RBFOX1: variants seen among roughly 807,000 people sequenced by gnomAD.
The protein encoded by RBFOX1 is RNA binding protein fox-1 homolog 1.
In RBFOX1, 8 loss-of-function variants were observed where a neutral mutation model predicts 57.7. The ratio of observed to expected loss-of-function variants is 0.14; its 90% CI spans 0.08 to 0.25. RBFOX1 has a LOEUF of 0.25. RBFOX1 is among the 10% of genes least tolerant of loss of function. The pLI is 1.00. For missense variants in RBFOX1, 611 were observed against 548.5 expected, an observed-to-expected ratio of 1.11 and a Z score of -1.14; for synonymous variants, 326 against 222.4, an observed-to-expected ratio of 1.47 and a Z score of -4.15.
At chr16:6,609,321 G>A (rs1050168303) in intron 2 of RBFOX1, among the ~76,000 whole-genome samples, 6 of 151,938 alleles carry the variant, frequency 3.9e-5, no homozygotes, top group African/African-American at 1.2e-4. Flanking sequence ...AGGTTGACGT[G>A]GAAAATGATT....
At chr16:6,988,747 G>GT (rs1491349866) in intron 3 of RBFOX1, among the ~76,000 whole-genome samples, 2,411 of 101,356 alleles carry the variant, frequency 0.024, 117 homozygotes, top group African/African-American at 0.092. Context: ...TTTTTTGTTT[G>GT]TTTGTTTTTT....
At chr16:6,336,694 G>A (rs532287959) in intron 2 of RBFOX1, among the ~76,000 whole-genome samples, 9 of 151,520 alleles carry the variant, frequency 5.9e-5, no homozygotes, top group Admixed American at 5.9e-4. Context: ...GTAAAGAGGT[G>A]GGGGGGAAAT....
At chr16:5,990,061 C>A (rs58426835) in intron 4 of RBFOX1, among the ~76,000 whole-genome samples, 6,694 of 152,212 alleles carry the variant, frequency 0.044, 305 homozygotes, top group East Asian at 0.25. Flanking sequence ...TCATGGTTCA[C>A]TGCAGCCTCA....
At chr16:6,702,060 TA>T in intron 3 of RBFOX1, among the ~76,000 whole-genome samples, 1 of 152,196 alleles carries the variant, frequency 6.6e-6, no homozygotes, top group Middle Eastern at 3.4e-3. Flanking sequence ...AATTTACCTG[TA>T]TAACAAACCT....
At chr16:7,299,908 G>T (rs998697049) in intron 4 of RBFOX1, among the ~76,000 whole-genome samples, 3 of 152,168 alleles carry the variant, frequency 2.0e-5, no homozygotes, top group African/African-American at 7.2e-5. Context: ...TTCGACATAG[G>T]ATATTTTCAC....
At chr16:6,441,358 T>C (rs1273048371) in intron 2 of RBFOX1, among the ~76,000 whole-genome samples, 1 of 152,184 alleles carries the variant, frequency 6.6e-6, no homozygotes, top group Non-Finnish European at 1.5e-5. Context: ...CTAGATTCTT[T>C]CTCTCTGACT....
intron 2 of RBFOX1, among the ~76,000 whole-genome samples, chr16:6,444,669 G>A (rs1199561892): frequency 2.6e-5 from 4 of 151,814 alleles, no homozygotes; most frequent in Non-Finnish European, 4.4e-5. Flanking sequence ...GTCTTTATCA[G>A]CAGGGTTAAA....
At chr16:6,545,142 C>G (rs75873772) in intron 2 of RBFOX1, among the ~76,000 whole-genome samples, 1 of 152,124 alleles carries the variant, frequency 6.6e-6, no homozygotes, top group African/African-American at 2.4e-5. Flanking sequence ...TTTTCCCTAG[C>G]GCCATTTTTG....
chr16:5,256,432 C>A (rs1163294256), intron 1 of RBFOX1, among the ~76,000 whole-genome samples: 3 of 152,194 alleles, frequency 2.0e-5, no homozygotes, highest in Admixed American at 6.5e-5. Flanking sequence ...GTCTGCAAAG[C>A]CTCTGCCTCA....
intron 3 of RBFOX1, among the ~76,000 whole-genome samples, chr16:6,957,102 T>TA (rs1555677582): frequency 8.6e-5 from 12 of 139,946 alleles, no homozygotes; most frequent in South Asian, 2.4e-4. Context: ...TTTATTTTAT[T>TA]TTTTTATTTT....
At chr16:6,984,763 C>T (rs1163551378) in intron 3 of RBFOX1, among the ~76,000 whole-genome samples, 1 of 152,112 alleles carries the variant, frequency 6.6e-6, no homozygotes, top group African/African-American at 2.4e-5. Context: ...GCCTCAGCCT[C>T]CTGAGTAGCT....
intron 4 of RBFOX1, among the ~76,000 whole-genome samples, chr16:5,994,253 C>A (rs538839087): frequency 2.6e-5 from 4 of 152,164 alleles, no homozygotes; most frequent in African/African-American, 4.8e-5. Context: ...CCTCTGCCTC[C>A]TGGGTTTAAG....
At chr16:5,589,336 G>A (rs1474859991) in intron 2 of RBFOX1, among the ~76,000 whole-genome samples, 1 of 152,166 alleles carries the variant, frequency 6.6e-6, no homozygotes, top group African/African-American at 2.4e-5. Flanking sequence ...GGGTCCCAGC[G>A]TTCAACTTAG....
chr16:7,609,237 G>A (rs1287714933), intron 10 of RBFOX1, among the ~76,000 whole-genome samples: 2 of 152,270 alleles, frequency 1.3e-5, no homozygotes, highest in African/African-American at 4.8e-5. Flanking sequence ...CCTTCTTGTG[G>A]GGAGGAAGGG....
At chr16:6,839,736 C>G (rs117620721) in intron 3 of RBFOX1, among the ~76,000 whole-genome samples, 3,920 of 152,178 alleles carry the variant, frequency 0.026, 92 homozygotes, top group Non-Finnish European at 0.034. Context: ...AATATGCAAA[C>G]TATAGAAGAG....
At chr16:6,696,662 C>T (rs981414484) in intron 3 of RBFOX1, among the ~76,000 whole-genome samples, 1 of 150,648 alleles carries the variant, frequency 6.6e-6, no homozygotes, top group Non-Finnish European at 1.5e-5. Flanking sequence ...CAGTCTCCTT[C>T]AGATATGAAC....
chr16:6,081,632 C>G (rs1336748546), intron 1 of RBFOX1, among the ~76,000 whole-genome samples: 2 of 152,114 alleles, frequency 1.3e-5, no homozygotes, highest in African/African-American at 2.4e-5. Flanking sequence ...ACCTGGGGTT[C>G]CTAGCTTCAT....
At chr16:5,684,680 C>T (rs1039849006) in intron 3 of RBFOX1, among the ~76,000 whole-genome samples, 10 of 152,180 alleles carry the variant, frequency 6.6e-5, no homozygotes, top group African/African-American at 2.2e-4. Context: ...ATCAGCTTCT[C>T]CCTCAGCAGG....
At chr16:7,019,127 C>G (rs183547884) in intron 3 of RBFOX1, among the ~76,000 whole-genome samples, 31 of 151,864 alleles carry the variant, frequency 2.0e-4, no homozygotes, top group Middle Eastern at 6.8e-3. Context: ...GGTAATGATA[C>G]TGATTGAGTT....
Sources: allele counts gnomAD v4.1 joint callset (sites outside exome capture counted in the v4.1 genomes callset), GRCh38; gene constraint gnomAD v4.1.1; transcripts MANE v1.5; gene names NCBI Gene and HGNC (gene_info 2026-07-23, HGNC 2026-07-21).